Variants in IGSF21 observed in about 807,000 individuals in gnomAD.
IGSF21 encodes immunoglobin superfamily member 21, also known as immunoglobulin superfamily member 21.
Under a neutral mutation model 46.8 loss-of-function variants are expected in IGSF21, and 28 were observed. The ratio of observed to expected loss-of-function variants is 0.60; its 90% confidence interval spans 0.44 to 0.82. The LOEUF (loss-of-function observed/expected upper bound fraction) is 0.82, where lower values mean the gene tolerates loss of function less well. Ranked by LOEUF, IGSF21 falls within the 40% of genes least tolerant of loss-of-function variation. The probability of loss-of-function intolerance (pLI) is 0.00; values close to 1 mark genes in which losing one functional copy is unlikely to be tolerated. For missense variants in IGSF21, 624 were observed against 665.5 expected (o/e 0.94, Z 0.69); for synonymous variants, 284 against 273.6 (o/e 1.04, Z -0.38).
At chr1:18,171,988 T>C (rs910340056) in intron 1 of IGSF21, among the ~76,000 whole-genome samples, 2 of 152,164 alleles carry the variant, frequency 1.3e-5, no homozygotes, top group African/African-American at 4.8e-5. Context: ...TGGGAAGAAA[T>C]AGTTCCTTTT....
intron 3 of IGSF21, among the ~76,000 whole-genome samples, chr1:18,310,001 G>A (rs763264691): frequency 6.6e-6 from 1 of 152,144 alleles, no homozygotes; most frequent in Non-Finnish European, 1.5e-5. Context: ...GGGCCAAGGG[G>A]GCTCTGGACT....
chr1:18,346,732 C>A (rs1439700711), intron 4 of IGSF21, among the ~76,000 whole-genome samples: 11 of 152,174 alleles, frequency 7.2e-5, no homozygotes, highest in African/African-American at 2.7e-4. Context: ...AGGCCTCCTC[C>A]CTGCCAGCCG....
At chr1:18,226,617 G>T (rs2084569486) in intron 1 of IGSF21, among the ~76,000 whole-genome samples, 1 of 152,220 alleles carries the variant, frequency 6.6e-6, no homozygotes, top group East Asian at 1.9e-4. Context: ...GGTCCGCTCT[G>T]ACTCCAACTT....
At chr1:18,372,375 G>A (rs1368921084) in intron 6 of IGSF21, among the ~76,000 whole-genome samples, 1 of 152,226 alleles carries the variant, frequency 6.6e-6, no homozygotes, top group East Asian at 1.9e-4. Flanking sequence ...CAAATTAGGT[G>A]TACAATAAAG....
chr1:18,238,474 T>A (rs948516242), intron 2 of IGSF21, among the ~76,000 whole-genome samples: 5 of 152,184 alleles, frequency 3.3e-5, no homozygotes, highest in Non-Finnish European at 7.3e-5. Context: ...TGGCCACACA[T>A]CACTGTTCTC....
chr1:18,291,950 C>A lies in IGSF21; in HGVS notation c.268C>A (p.Arg90Ser), dbSNP rs1284876883. 3 of 1,613,982 alleles carry A rather than the reference C, an allele frequency of 1.9e-6. No homozygotes were observed. The Admixed American group carries it at 5.0e-5, about 27-fold the overall frequency. Residue 90 changes from arginine to serine, a missense_variant, in exon 3 of 10, where the codon CGC becomes AGC. By Grantham distance (110) the Arg-to-Ser change is moderately radical. Coordinates refer to ENST00000251296, the MANE Select transcript of IGSF21 (RefSeq NM_032880.5). ...STNYSHMENYRKREDLVYQST... is the reference protein window; with the variant it reads ...STNYSHMENYSKREDLVYQST... ...CAACTACTCACACATGGAGAACTAC[C>A]GCAAGCGAGAGGACCTGGTGTACCA...
At chr1:18,273,116 C>A (rs1488855810) in intron 2 of IGSF21, among the ~76,000 whole-genome samples, 1 of 147,388 alleles carries the variant, frequency 6.8e-6, no homozygotes, top group Non-Finnish European at 1.5e-5. Context: ...CATGCTCTCA[C>A]CTCACTGAAA....
intron 2 of IGSF21, among the ~76,000 whole-genome samples, chr1:18,277,722 A>G (rs1367812628): frequency 6.6e-6 from 1 of 152,226 alleles, no homozygotes; most frequent in African/African-American, 2.4e-5. Flanking sequence ...TGGTACACAC[A>G]CAGCAGGGGT....
intron 3 of IGSF21, among the ~76,000 whole-genome samples, chr1:18,326,474 C>T (rs867413009): frequency 1.6e-4 from 25 of 152,286 alleles, no homozygotes; most frequent in Middle Eastern, 3.4e-3. Context: ...GCTTGGTTTC[C>T]ATGCAAACAA....
chr1:18,347,802 A>T (rs915454135), intron 4 of IGSF21, among the ~76,000 whole-genome samples: 1 of 152,124 alleles, frequency 6.6e-6, no homozygotes, highest in African/African-American at 2.4e-5. Context: ...CTCCAAGGGA[A>T]CTCGGAGCCT....
chr1:18,376,036 C>T lies in IGSF21; in HGVS notation c.1016-274C>T, dbSNP rs377330098. 5 of 365,010 alleles carry T rather than the reference C, an allele frequency of 1.4e-5. No individual in the cohort carries two copies. The South Asian group carries it at 1.4e-4, about 10-fold the overall frequency. The allele number at this position is 365,010 out of a possible 1,614,324, so 22.6% of individuals were successfully genotyped here. A position where few individuals can be genotyped will look rare whatever the true frequency, so the allele number is the denominator to read the frequency against. On this transcript the variant is annotated intron_variant, in intron 6 of 9. Coordinates refer to ENST00000251296, the MANE Select transcript of IGSF21 (RefSeq NM_032880.5). ...TTGTCTGTTGTTTGTCTTTCTTCCC[C>T]ACTGATGTGTGAACCCCCCAAGAGC...
Position 18,109,918 on chromosome 1 carries a change from G to C in IGSF21, c.70+1720G>C, listed in dbSNP as rs980839434. The C allele has an allele frequency of 2.0e-5, 3 of 152,278 alleles. No homozygotes were observed. Among genetic ancestry groups the C allele is most frequent in the Non-Finnish European group, 2.9e-5 (2 of 68,146 alleles). 9.4% of individuals were successfully genotyped at this position (152,278 alleles called of 1,614,324 possible). A position where few individuals can be genotyped will look rare whatever the true frequency, so the allele number is the denominator to read the frequency against. On this transcript the variant is annotated intron_variant, in intron 1 of 9. Coordinates refer to ENST00000251296, the MANE Select transcript of IGSF21 (RefSeq NM_032880.5). This position sits in a 1 kb window ranked among gnomAD's most constrained non-coding sequence, Gnocchi z 4.8. Reference sequence around the variant, plus strand: ...TTTCCCTGGGAATGCGCAGAACAGAGAGACGCGGCAGGGTGAAGGAGAGGA... The same window carrying C: ...TTTCCCTGGGAATGCGCAGAACAGACAGACGCGGCAGGGTGAAGGAGAGGA...
At position 18,213,921 on chromosome 1, in the gene IGSF21, C is replaced by A. The variant is rs150939189; in HGVS notation, c.71-13977C>A. ...TTCAAAGGCCTGAGGACTGACTGAG[C>A]AAGTCCTGCCCTTCTCTGGCCTCAT... is the stretch of plus-strand genomic sequence containing the variant. On this transcript the variant is annotated intron_variant, in intron 1 of 9. Coordinates refer to ENST00000251296, the MANE Select transcript of IGSF21 (RefSeq NM_032880.5). 5.1e-3 allele frequency among the ~76,000 whole-genome samples: 772 copies of A among 152,252 alleles called. 8 individuals are homozygous for A. Among genetic ancestry groups the A allele is most frequent in the African/African-American group, 0.017 (702 of 41,548 alleles).
intron 4 of IGSF21, among the ~76,000 whole-genome samples, chr1:18,359,383 A>AAAGAAAGAAAGAATGGAAGGAAGG (rs1557659626): frequency 3.3e-5 from 2 of 61,030 alleles, no homozygotes; most frequent in African/African-American, 1.3e-4. Flanking sequence ...AGAAAGAAAG[A>AAAGAAAGAAAGAATGGAAGGAAGG]AAGGAAGGAA....
Position 18,335,828 on chromosome 1 carries a change from C to T in IGSF21, c.424+818C>T, listed in dbSNP as rs2085760382. Reference sequence around the variant, plus strand: ...TGGGGAAATTGAAAACCTCCAAAGGCCAGACCTCCAGAGGGACATTGATTC... The same window carrying T: ...TGGGGAAATTGAAAACCTCCAAAGGTCAGACCTCCAGAGGGACATTGATTC... On this transcript the variant is annotated intron_variant, in intron 4 of 9. Coordinates refer to ENST00000251296, the MANE Select transcript of IGSF21 (RefSeq NM_032880.5). This position sits in a 1 kb window ranked among gnomAD's most constrained non-coding sequence, Gnocchi z 4.8. 6.6e-6 allele frequency among the ~76,000 whole-genome samples: 1 copy of T among 152,206 alleles called. No individual in the cohort carries two copies. Among genetic ancestry groups the T allele is most frequent in the Non-Finnish European group, 1.5e-5 (1 of 68,034 alleles).
At position 18,318,328 on chromosome 1, in the gene IGSF21, A is replaced by C. The variant is rs553283826; in HGVS notation, c.306-16564A>C. Among the ~76,000 whole-genome samples, 4 of 152,272 alleles carry C rather than the reference A, an allele frequency of 2.6e-5. No individual in the cohort carries two copies. The South Asian group carries it at 8.3e-4, about 32-fold the overall frequency. On this transcript the variant is annotated intron_variant, in intron 3 of 9. Transcript: ENST00000251296. Reference sequence around the variant, plus strand: ...AAACACGTCTCCTTACATTGTTGGCAATTGGCAGAAGGGACAGATACTGAG... The same window carrying C: ...AAACACGTCTCCTTACATTGTTGGCCATTGGCAGAAGGGACAGATACTGAG...
intron 1 of IGSF21, among the ~76,000 whole-genome samples, chr1:18,159,621 C>A (rs1334455431): frequency 1.3e-5 from 2 of 152,084 alleles, no homozygotes; most frequent in African/African-American, 4.8e-5. Flanking sequence ...GCCTCCCCAG[C>A]CGTGTGGAAC....
intron 2 of IGSF21, among the ~76,000 whole-genome samples, chr1:18,268,161 C>T (rs1009369815): frequency 1.1e-4 from 17 of 152,358 alleles, no homozygotes; most frequent in Admixed American, 1.0e-3. Flanking sequence ...CCACACGGAG[C>T]AATATTACCC....
chr1:18,199,225 C>T (rs937393699), intron 1 of IGSF21, among the ~76,000 whole-genome samples: 4 of 151,988 alleles, frequency 2.6e-5, no homozygotes, highest in African/African-American at 9.7e-5. Context: ...AGTGGCGTGC[C>T]CTGAGTTCAA....
Sources: gnomAD v4.1 joint callset for allele counts (sites outside exome capture counted in the v4.1 genomes callset) on GRCh38, gnomAD v4.1.1 for gene constraint, Gnocchi (gnomAD v3.1) non-coding constraint, MANE v1.5 for transcripts, NCBI Gene and HGNC (gene_info 2026-07-23, HGNC 2026-07-21) for gene names.